The following HTR3D variants were observed in gnomAD, a reference collection of about 807,000 sequenced individuals.
HTR3D encodes 5-hydroxytryptamine receptor 3D.
A neutral mutation model predicts 45.8 loss-of-function variants in HTR3D; 47 were observed. That is an observed-to-expected ratio of 1.03 (90% CI 0.81 to 1.31). The LOEUF is 1.31. HTR3D is among the 50% of genes most tolerant of loss of function. HTR3D has a pLI of 0.00. For missense variants in HTR3D, 448 were observed against 506.9 expected (o/e 0.88, Z 1.12); for synonymous variants, 203 against 199.8 (o/e 1.02, Z -0.13).
intron 2 of HTR3D, among the ~76,000 whole-genome samples, chr3:184,035,552 C>A (rs1015997494): frequency 2.0e-5 from 3 of 151,934 alleles, no homozygotes; most frequent in Non-Finnish European, 4.4e-5. Context: ...ATGGCTGCCA[C>A]CAGAGAGGTG....
Position 184,038,057 on chromosome 3 carries a change from G to T in HTR3D, c.553G>T (p.Val185Leu). The change falls in exon 6 of 8, where the codon GTG becomes TTG. Residue 185 changes from valine (V) to leucine (L), a missense_variant. Val to Leu is a conservative substitution (Grantham distance 32). Coordinates refer to ENST00000428798, the MANE Select transcript of HTR3D (RefSeq NM_001145143.1). This position sits in a 1 kb window ranked among gnomAD's most constrained non-coding sequence, Gnocchi z 4.5. ...IRRRCRPSPYVVNFLVPSGIL... is the reference protein window; with the variant it reads ...IRRRCRPSPYLVNFLVPSGIL... ...GCGCAGGTGCAGGCCCAGCCCCTACGTGGTAAACTTTCTGGTGCCCAGTGG... is the reference window on the plus strand; with the variant it reads ...GCGCAGGTGCAGGCCCAGCCCCTACTTGGTAAACTTTCTGGTGCCCAGTGG... 6.2e-7 allele frequency: 1 copy of T among 1,614,032 alleles called. No individual in the cohort carries two copies. Among genetic ancestry groups the T allele is most frequent in the Non-Finnish European group, 8.5e-7 (1 of 1,179,996 alleles).
At position 184,038,307 on chromosome 3, in the gene HTR3D, C is replaced by A. The variant is rs753888310; in HGVS notation, c.769+34C>A. ...TGGATGGGGAGAGGGATGGGCAGAA[C>A]CAGGCGAAGTGAAAAGGGATCCTGG... On this transcript the variant is annotated intron_variant, in intron 6 of 7. Transcript: ENST00000428798. The surrounding 1 kb of genome is among the most constrained non-coding windows in gnomAD (Gnocchi z 4.5). The A allele has an allele frequency of 8.1e-6, 13 of 1,612,482 alleles. No individual in the cohort carries two copies. The highest frequency in any genetic ancestry group is 1.1e-5 in the Non-Finnish European group (13 of 1,178,710).
At position 184,038,652 on chromosome 3, in the gene HTR3D, C is replaced by T; in HGVS notation, c.985+28C>T. 6.3e-7 allele frequency: 1 copy of T among 1,596,178 alleles called. No homozygotes were observed. The highest frequency in any genetic ancestry group is 1.1e-5 in the South Asian group (1 of 89,536). The stretch of plus-strand genomic sequence containing the variant: ...GAGGGAAGTCATACTTCCTCTTCCC[C>T]CACCTCCACTTCTCTGCTCCTGCCT... On this transcript the variant is annotated intron_variant, in intron 7 of 7. Coordinates refer to ENST00000428798, the MANE Select transcript of HTR3D (RefSeq NM_001145143.1). This position sits in a 1 kb window ranked among gnomAD's most constrained non-coding sequence, Gnocchi z 4.5.
chr3:184,034,669 A>AAGTT (rs1266928956), intron 1 of HTR3D, among the ~76,000 whole-genome samples: 3 of 152,130 alleles, frequency 2.0e-5, no homozygotes, highest in African/African-American at 7.2e-5. Flanking sequence ...AAAATACAAA[A>AAGTT]AGTTAGCTGG....
At chr3:184,037,883 C>T (rs1371329799) in intron 5 of HTR3D, 138 bp from the exon 6 acceptor site, 3 of 1,041,324 alleles carry the variant, frequency 2.9e-6, no homozygotes, top group African/African-American at 3.2e-5. Context: ...GATGAAAAGA[C>T]CGGATGCTGA....
rs903846016 is a variant in HTR3D at position 184,032,799 on chromosome 3, A to G, written c.66+992A>G. On this transcript the variant is annotated intron_variant, in intron 1 of 7. Coordinates refer to ENST00000428798, the MANE Select transcript of HTR3D (RefSeq NM_001145143.1). The stretch of plus-strand genomic sequence containing the variant: ...CCTGGACCAGGAAGGAGGAGCTCAC[A>G]TGCTTCTCCCAGTGCCCCCTGTTTT... The G allele has an allele frequency of 1.8e-5, 27 of 1,469,798 alleles. No homozygotes were observed. The African/African-American group carries it at 3.6e-4, about 20-fold the overall frequency. 91.0% of individuals were successfully genotyped at this position (1,469,798 alleles called of 1,614,324 possible). A position where few individuals can be genotyped will look rare whatever the true frequency, so the allele number is the denominator to read the frequency against.
chr3:184,032,758 A>G lies in HTR3D; in HGVS notation c.66+951A>G, dbSNP rs1266705990. On this transcript the variant is annotated intron_variant, in intron 1 of 7. Transcript: ENST00000428798. ...CATCAGTTTCCACCATTTGCCTACCAGCTCAGCCTACTCTTCCTGGACCAG... is the reference window on the plus strand; with the variant it reads ...CATCAGTTTCCACCATTTGCCTACCGGCTCAGCCTACTCTTCCTGGACCAG... The G allele has an allele frequency of 7.3e-6, 8 of 1,100,096 alleles. No individual in the cohort carries two copies. The South Asian group carries it at 8.9e-5, about 12-fold the overall frequency. 68.1% of individuals were successfully genotyped at this position (1,100,096 alleles called of 1,614,324 possible).
chr3:184,038,082 G>C lies in HTR3D; in HGVS notation c.578G>C (p.Gly193Ala). 3 of 1,614,138 alleles carry C rather than the reference G, an allele frequency of 1.9e-6. No homozygotes were observed. Among genetic ancestry groups the C allele is most frequent in the Admixed American group, 3.3e-5 (2 of 60,018 alleles). The change falls in exon 6 of 8, where the codon GGC becomes GCC. Residue 193 changes from glycine (G) to alanine (A), a missense_variant. Coordinates refer to ENST00000428798, the MANE Select transcript of HTR3D (RefSeq NM_001145143.1). This position sits in a 1 kb window ranked among gnomAD's most constrained non-coding sequence, Gnocchi z 4.5. Reference protein sequence around the residue: ...PYVVNFLVPSGILIAIDALSF... With the variant: ...PYVVNFLVPSAILIAIDALSF... Reference sequence around the variant, plus strand: ...GTGGTAAACTTTCTGGTGCCCAGTGGCATTCTGATTGCCATCGATGCCCTC... The same window carrying C: ...GTGGTAAACTTTCTGGTGCCCAGTGCCATTCTGATTGCCATCGATGCCCTC...
At chr3:184,031,647 T>C (rs1218101273), upstream of HTR3D, 6 of 806,140 alleles carry the variant, frequency 7.4e-6, no homozygotes, top group Admixed American at 2.1e-5. Flanking sequence ...AGCTGATATA[T>C]ATATTATTCA....
In HTR3D at chr3:184,038,409, G is replaced by A. The variant is rs757763982; in HGVS notation, c.770G>A (p.Gly257Asp). ...RPHPSRDQKR[G>D]VYFALCLSLM... ...CTCATGCAGACCCCCTTGCCTGCAG[G>A]TGTCTACTTCGCCCTGTGCCTGTCC... The change falls in exon 7 of 8, where the codon GGT becomes GAT. Residue 257 changes from glycine (G) to aspartate (D), a missense_variant and splice_region_variant. By Grantham distance (94) the Gly-to-Asp change is moderately conservative (BLOSUM62 -1). Coordinates refer to ENST00000428798, the MANE Select transcript of HTR3D (RefSeq NM_001145143.1). The surrounding 1 kb of genome is among the most constrained non-coding windows in gnomAD (Gnocchi z 4.5). 9 of 1,614,022 alleles carry A rather than the reference G, an allele frequency of 5.6e-6. No individual in the cohort carries two copies. In the East Asian group the frequency reaches 1.6e-4, roughly 28 times the overall value.
chr3:184,032,098 G>C (rs1398863525), intron 1 of HTR3D, among the ~76,000 whole-genome samples: 4 of 148,666 alleles, frequency 2.7e-5, no homozygotes, highest in Non-Finnish European at 4.4e-5. Context: ...AGGTTCAAAC[G>C]ATCTCATGCC....
chr3:184,036,021 C>A lies in HTR3D; in HGVS notation c.118C>A (p.Pro40Thr), dbSNP rs1722876576. Residue 40 changes from proline to threonine, a missense_variant, in exon 3 of 8, where the codon CCA (proline) becomes ACA (threonine). Physicochemically the swap from Pro to Thr is conservative, Grantham distance 38. Transcript: ENST00000428798. ...GCACAATCAATTTGTGCAGTGGAACCCAGATGAATGCGGAGGCATCAAGAA... is the reference window on the plus strand; with the variant it reads ...GCACAATCAATTTGTGCAGTGGAACACAGATGAATGCGGAGGCATCAAGAA... The part of the protein sequence containing the change: ...TSFLWLNMWN[P>T]DECGGIKKSG... The A allele has an allele frequency of 6.4e-7, 1 of 1,551,524 alleles. No homozygotes were observed. The highest frequency in any genetic ancestry group is 8.7e-7 in the Non-Finnish European group (1 of 1,146,974).
At chr3:184,033,176 A>C in intron 1 of HTR3D, 1 of 727,022 alleles carries the variant, frequency 1.4e-6, no homozygotes, top group Non-Finnish European at 2.2e-6. Context: ...GCTGGAGTGC[A>C]GTGGTGCAAT....
intron 3 of HTR3D, 136 bp from the exon 4 acceptor site, chr3:184,036,239 A>T: frequency 1.3e-6 from 2 of 1,490,016 alleles, no homozygotes; most frequent in Non-Finnish European, 1.8e-6. Flanking sequence ...CCAGAATATG[A>T]TTATAGGTAG....
At chr3:184,037,037 C>CTTT (rs11448445) in intron 5 of HTR3D, 141 bp downstream of exon 5, 33 of 562,534 alleles carry the variant, frequency 5.9e-5, no homozygotes, top group Middle Eastern at 5.0e-4. Flanking sequence ...CTTTGTCACT[C>CTTT]TTTTTTTTTT....
At position 184,038,485 on chromosome 3, in the gene HTR3D, C is replaced by T. The variant is rs759504271; in HGVS notation, c.846C>T (p.His282=). 35 of 1,613,976 alleles carry T rather than the reference C, an allele frequency of 2.2e-5. 1 individual carries two copies. The highest frequency in any genetic ancestry group is 2.1e-4 in the South Asian group (19 of 91,064). The change falls in exon 7 of 8, where the codon CAC becomes CAT. Residue 282 remains histidine, a synonymous_variant. Coordinates refer to ENST00000428798, the MANE Select transcript of HTR3D (RefSeq NM_001145143.1). This position sits in a 1 kb window ranked among gnomAD's most constrained non-coding sequence, Gnocchi z 4.5. ...CCATCTTCATCACCCACCTGCTGCA[C>T]GTGGCCACCACCCAGCCCCTACCTC... ...LETIFITHLL[H]VATTQPLPLP...
intron 2 of HTR3D, 90 bp from the exon 3 acceptor site, chr3:184,035,925 T>C (rs1286433022): frequency 7.5e-7 from 1 of 1,340,982 alleles, no homozygotes; most frequent in Non-Finnish European, 1.0e-6. Context: ...ACTCCTGACC[T>C]TCAGTGATCC....
Position 184,036,787 on chromosome 3 carries a change from A to G in HTR3D, c.407A>G (p.His136Arg). The G allele has an allele frequency of 3.9e-6, 6 of 1,552,126 alleles. No homozygotes were observed. The highest frequency in any genetic ancestry group is 5.2e-6 in the Non-Finnish European group (6 of 1,147,080). The change falls in exon 5 of 8, where the codon CAT (histidine) becomes CGT (arginine). Residue 136 changes from histidine (H) to arginine (R), a missense_variant. Physicochemically the swap from His to Arg is conservative, Grantham distance 29. Coordinates refer to ENST00000428798, the MANE Select transcript of HTR3D (RefSeq NM_001145143.1). ...AGGATGTCCAGGAGCTTTCAAATAC[A>G]TCACAGAACCTCATTCAGAACAAGG... ...WRRMSRSFQI[H>R]HRTSFRTRRE... is the part of the protein sequence containing the mutation.
rs1404524524 is a variant in HTR3D, at chr3:184,036,883, A to G, written c.503A>G (p.Gln168Arg). Residue 168 changes from glutamine to arginine, a missense_variant, in exon 5 of 8, where the codon CAA becomes CGA. Physicochemically the swap from Gln to Arg is conservative, Grantham distance 43. Transcript: ENST00000428798. Reference sequence around the variant, plus strand: ...ACCGTGGCCACTAACCAGTATGAACAAGCCATCTTCCATGTGAGCTCAGGG... The same window carrying G: ...ACCGTGGCCACTAACCAGTATGAACGAGCCATCTTCCATGTGAGCTCAGGG... ...KVTVATNQYE[Q>R]AIFHVAIRRR... The G allele has an allele frequency of 1.6e-5, 25 of 1,551,380 alleles. No homozygotes were observed. The Admixed American group carries it at 4.9e-4, about 30-fold the overall frequency.
Sources: gnomAD v4.1 joint callset for allele counts (sites outside exome capture counted in the v4.1 genomes callset) on GRCh38, gnomAD v4.1.1 for gene constraint, Gnocchi (gnomAD v3.1) non-coding constraint, MANE v1.5 for transcripts, NCBI Gene and HGNC (gene_info 2026-07-23, HGNC 2026-07-21) for gene names.